Variants in CRB1 observed in about 807,000 individuals in gnomAD.
CRB1 encodes the protein protein crumbs homolog 1.
A neutral mutation model predicts 120.0 loss-of-function variants in CRB1; 83 were observed. The observed-to-expected ratio is 0.69, with a 90% confidence interval of 0.58 to 0.83. CRB1 has a LOEUF of 0.83. Among genes scored for constraint, CRB1 ranks in the 40% least tolerant of loss-of-function variants. The probability of loss-of-function intolerance (pLI) is 0.00; values close to 1 mark genes in which losing one functional copy is unlikely to be tolerated. For synonymous variants in CRB1, 625 were observed against 612.5 expected, an observed-to-expected ratio of 1.02 and a Z score of -0.30; for missense variants, 1,699 against 1,687.6, an observed-to-expected ratio of 1.01 and a Z score of -0.12.
chr1:197,335,645 C>A (rs577011658), intron 2 of CRB1, among the ~76,000 whole-genome samples: 2 of 152,010 alleles, frequency 1.3e-5, no homozygotes, highest in African/African-American at 4.8e-5. Flanking sequence ...AGTACAGGAG[C>A]GTGCCACCAC....
intron 2 of CRB1, among the ~76,000 whole-genome samples, chr1:197,332,169 AC>A (rs1157053549): frequency 6.6e-6 from 1 of 151,934 alleles, no homozygotes; most frequent in African/African-American, 2.4e-5. Flanking sequence ...AACAAAACAA[AC>A]AAAAAAAACA....
chr1:197,222,468 G>T, the CRB1 span: 2 of 768,880 alleles, frequency 2.6e-6, no homozygotes, highest in Non-Finnish European at 4.9e-6. Context: ...GGACAAACTG[G>T]CTCTACCACC....
chr1:197,267,209 C>T (rs1337580571), upstream of CRB1, among the ~76,000 whole-genome samples: 2 of 152,048 alleles, frequency 1.3e-5, no homozygotes, highest in African/African-American at 4.8e-5. Context: ...AATTCTTTTA[C>T]TCTAATTGTT....
intron 11 of CRB1, among the ~76,000 whole-genome samples, chr1:197,456,440 G>GC (rs1317772583): frequency 6.6e-6 from 1 of 152,032 alleles, no homozygotes; most frequent in African/African-American, 2.4e-5. Flanking sequence ...CATAGTTACT[G>GC]AAATTAAGAT....
chr1:197,453,524 G>GTGTA (rs1371859682), intron 11 of CRB1, among the ~76,000 whole-genome samples: 63 of 123,772 alleles, frequency 5.1e-4, no homozygotes, highest in Non-Finnish European at 7.1e-4. Context: ...GTGTGTGTGT[G>GTGTA]TATATATATA....
intron 1 of CRB1, among the ~76,000 whole-genome samples, chr1:197,298,915 T>G (rs896845421): frequency 6.6e-6 from 1 of 152,048 alleles, no homozygotes; most frequent in African/African-American, 2.4e-5. Flanking sequence ...ACTTTATACT[T>G]TACAAAAGCA....
chr1:197,330,660 G>A (rs1658796658), intron 2 of CRB1, among the ~76,000 whole-genome samples: 2 of 152,092 alleles, frequency 1.3e-5, no homozygotes, highest in African/African-American at 4.8e-5. Context: ...AGTGTTTCCA[G>A]GTTCCTTTCC....
At chr1:197,435,663 C>T (rs899443004) in intron 9 of CRB1, 51 bp downstream of exon 9, 5 of 1,486,986 alleles carry the variant, frequency 3.4e-6, no homozygotes, top group Non-Finnish European at 4.6e-6. Context: ...TACTCTGCAT[C>T]ACTGTTCTTG....
At chr1:197,448,199 C>T (rs1571585056) in intron 11 of CRB1, among the ~76,000 whole-genome samples, 1 of 151,952 alleles carries the variant, frequency 6.6e-6, no homozygotes, top group African/African-American at 2.4e-5. Flanking sequence ...ATTTTTGTTT[C>T]TGGGGAATTT....
chr1:197,356,711 G>C (rs575516511), intron 4 of CRB1, 120 bp from the exon 5 acceptor site: 5 of 943,242 alleles, frequency 5.3e-6, no homozygotes, highest in African/African-American at 3.2e-5. Flanking sequence ...CCAGCTCCTT[G>C]AGGGCAGGCA....
At chr1:197,334,845 G>T (rs564990001) in intron 2 of CRB1, among the ~76,000 whole-genome samples, 2 of 152,134 alleles carry the variant, frequency 1.3e-5, no homozygotes, top group Non-Finnish European at 2.9e-5. Context: ...AAATGAAAGC[G>T]TAAAGAGAAG....
At chr1:197,349,114 A>G (rs975000438) in intron 4 of CRB1, among the ~76,000 whole-genome samples, 2 of 152,116 alleles carry the variant, frequency 1.3e-5, no homozygotes, top group African/African-American at 4.8e-5. Flanking sequence ...CTGTGTTTTT[A>G]TTGTACCTTT....
At chr1:197,442,628 T>C (rs1665509772) in intron 11 of CRB1, 1 of 1,025,658 alleles carries the variant, frequency 9.7e-7, no homozygotes, top group African/African-American at 1.6e-5. Context: ...AAAAGTGTTC[T>C]TAATATAACT....
At chr1:197,439,009 G>A in intron 10 of CRB1, 2 of 279,422 alleles carry the variant, frequency 7.2e-6, no homozygotes, top group Admixed American at 4.9e-5. Flanking sequence ...TTGCTGTCGA[G>A]GTAAAATAAA....
the CRB1 span, among the ~76,000 whole-genome samples, chr1:197,238,773 G>A: frequency 6.6e-6 from 1 of 152,026 alleles, no homozygotes; most frequent in Non-Finnish European, 1.5e-5. Flanking sequence ...GAACCCAGGA[G>A]GCAGAGGTTG....
In CRB1 at chr1:197,432,254, G is replaced by A. The variant is rs78622248; in HGVS notation, c.2843-2452G>A. On this transcript the variant is annotated intron_variant, in intron 8 of 11. Transcript: ENST00000367400. ...AGACCATAGTCTTCATTTCAGAGTT[G>A]GAGAATTTTGGAGATTTTTTATTTT... 8.2e-4 allele frequency among the ~76,000 whole-genome samples: 125 copies of A among 151,596 alleles called. 3 individuals are homozygous for A. The East Asian group carries it at 0.022, about 26-fold the overall frequency.
At position 197,447,694 on chromosome 1, in the gene CRB1, A is replaced by G. The variant is rs552972607; in HGVS notation, c.4005+5402A>G. On this transcript the variant is annotated intron_variant, in intron 11 of 11. Transcript: ENST00000367400. ...CCTTTCTGACAAAAAAAAAGAAAAG[A>G]AAAAATACAAAAATTAGTTTGGCAT... Among the ~76,000 whole-genome samples the G allele has an allele frequency of 4.6e-5, 7 of 152,088 alleles. No individual in the cohort carries two copies. In the East Asian group the frequency reaches 1.4e-3, roughly 29 times the overall value.
Position 197,429,614 on chromosome 1 carries a change from T to C in CRB1, c.2842T>C (p.Cys948Arg), listed in dbSNP as rs62645747. The C allele has an allele frequency of 6.2e-7, 1 of 1,613,892 alleles. No individual in the cohort carries two copies. Among genetic ancestry groups the C allele is most frequent in the African/African-American group, 1.3e-5 (1 of 75,046 alleles). The change falls in exon 8 of 12, where the codon TGT becomes CGT. Residue 948 changes from cysteine (C) to arginine (R), a missense_variant and splice_region_variant. Transcript: ENST00000367400. ...QCQPVLQGFE[C>R]IANAVFNGQS... is the part of the protein sequence containing the mutation. The stretch of plus-strand genomic sequence containing the variant: ...CCAGCCGGTGCTTCAAGGATTTGAA[T>C]GTAGGTAGAGTTCAAACCTACCATC...
chr1:197,375,532 C>T (rs1264838397), intron 5 of CRB1, among the ~76,000 whole-genome samples: 1 of 152,118 alleles, frequency 6.6e-6, no homozygotes, highest in African/African-American at 2.4e-5. Flanking sequence ...GTACAACCAA[C>T]AAGAATTGCA....
Sources: gnomAD v4.1 joint callset for allele counts (sites outside exome capture counted in the v4.1 genomes callset) on GRCh38, gnomAD v4.1.1 for gene constraint, MANE v1.5 for transcripts, NCBI Gene and HGNC (gene_info 2026-07-23, HGNC 2026-07-21) for gene names.